GRID2: variants seen among roughly 807,000 people sequenced by gnomAD.
GRID2 encodes glutamate ionotropic receptor delta type subunit 2.
A neutral mutation model predicts 114.8 loss-of-function variants in GRID2; 33 were observed. That is an observed-to-expected ratio of 0.29 (90% CI 0.22 to 0.38). The LOEUF is 0.38. Ranked by LOEUF, GRID2 falls within the 10% of genes least tolerant of loss-of-function variation. The pLI, the probability that GRID2 is intolerant of heterozygous loss-of-function variation, is 1.00. For synonymous variants in GRID2, 505 were observed against 449.9 expected (o/e 1.12, Z -1.55); for missense variants, 1,184 against 1,257.7 (o/e 0.94, Z 0.89).
intron 2 of GRID2, among the ~76,000 whole-genome samples, chr4:93,070,335 T>A (rs1277900657): frequency 6.6e-6 from 1 of 151,978 alleles, no homozygotes; most frequent in Non-Finnish European, 1.5e-5. Flanking sequence ...CATAGACAGT[T>A]TTTTTTCCCC....
rs953307864 is a variant in GRID2, at chr4:92,771,509, G to A, written c.244+181223G>A. ...TCTGTATTTCATCCCTCTTTTGGTTGGAGTGTGAATGTGTAAGTTTTAAAA... is the reference window on the plus strand; with the variant it reads ...TCTGTATTTCATCCCTCTTTTGGTTAGAGTGTGAATGTGTAAGTTTTAAAA... On this transcript the variant is annotated intron_variant, in intron 2 of 15. Coordinates refer to ENST00000282020, the MANE Select transcript of GRID2 (RefSeq NM_001510.4). Among the ~76,000 whole-genome samples, 55 of 152,100 alleles carry A rather than the reference G, an allele frequency of 3.6e-4. 1 individual carries two copies. Among genetic ancestry groups the A allele is most frequent in the African/African-American group, 1.3e-3 (54 of 41,406 alleles).
intron 14 of GRID2, among the ~76,000 whole-genome samples, chr4:93,658,277 A>T (rs1399761752): frequency 6.6e-6 from 1 of 152,230 alleles, no homozygotes; most frequent in Non-Finnish European, 1.5e-5. Flanking sequence ...AGGTTTCAAA[A>T]ATAGACAAAG....
chr4:93,797,607 T>C (rs1186560354), intron 1 of GRID2, among the ~76,000 whole-genome samples: 2 of 152,118 alleles, frequency 1.3e-5, no homozygotes, highest in South Asian at 2.1e-4. Flanking sequence ...CAATTTGTGT[T>C]CTACTTCAGC....
intron 2 of GRID2, among the ~76,000 whole-genome samples, chr4:92,722,888 T>TGAAAATATAAG (rs1553920650): frequency 0.01 from 1,548 of 151,536 alleles, 24 homozygotes; most frequent in African/African-American, 0.036. Context: ...TTTATAATAA[T>TGAAAATATAAG]AATAGAAAAG....
chr4:92,833,576 C>A (rs1742262274), intron 2 of GRID2: 1 of 152,108 alleles, frequency 6.6e-6, no homozygotes, highest in Non-Finnish European at 1.5e-5. Flanking sequence ...CTAACATGAG[C>A]AAGTTTTTAC....
At chr4:92,625,380 G>A (rs1402891849) in intron 2 of GRID2, among the ~76,000 whole-genome samples, 2 of 151,742 alleles carry the variant, frequency 1.3e-5, no homozygotes, top group Non-Finnish European at 2.9e-5. Flanking sequence ...GGAAAATGAG[G>A]TCTGAGAAAA....
At chr4:93,601,471 C>T (rs958832066) in intron 13 of GRID2, among the ~76,000 whole-genome samples, 2 of 152,174 alleles carry the variant, frequency 1.3e-5, no homozygotes, top group African/African-American at 4.8e-5. Flanking sequence ...GGAACTGCTG[C>T]ATTCAATGAG....
At chr4:92,575,820 C>A (rs1436436664) in intron 1 of GRID2, among the ~76,000 whole-genome samples, 1 of 152,184 alleles carries the variant, frequency 6.6e-6, no homozygotes, top group African/African-American at 2.4e-5. Context: ...AAGGTGGTGG[C>A]CACCCCCGTT....
At chr4:93,213,335 TACAA>T (rs1445043004) in intron 5 of GRID2, among the ~76,000 whole-genome samples, 2 of 152,060 alleles carry the variant, frequency 1.3e-5, no homozygotes, top group Non-Finnish European at 2.9e-5. Flanking sequence ...ATATGAAAAA[TACAA>T]ACAAATAAGA....
chr4:92,425,554 T>C (rs1276550956), intron 1 of GRID2, among the ~76,000 whole-genome samples: 1 of 152,076 alleles, frequency 6.6e-6, no homozygotes, highest in Non-Finnish European at 1.5e-5. Context: ...TTAGGACACA[T>C]AGTAGCAAAA....
At chr4:92,716,883 C>T (rs537940177) in intron 2 of GRID2, among the ~76,000 whole-genome samples, 14 of 152,168 alleles carry the variant, frequency 9.2e-5, no homozygotes, top group South Asian at 4.1e-4. Context: ...TTTTGATTTT[C>T]GATTCTGACC....
chr4:92,964,992 T>A (rs1753046654), intron 2 of GRID2, among the ~76,000 whole-genome samples: 1 of 152,046 alleles, frequency 6.6e-6, no homozygotes, highest in Admixed American at 6.6e-5. Context: ...AGGCCTAGCT[T>A]TCAGCTTATC....
chr4:92,403,075 T>C (rs954617137), intron 1 of GRID2, among the ~76,000 whole-genome samples: 16 of 152,194 alleles, frequency 1.1e-4, no homozygotes, highest in African/African-American at 3.9e-4. Context: ...CCTCTACTGG[T>C]TTCCAACTTT....
At position 92,809,264 on chromosome 4, in the gene GRID2, A is replaced by T. The variant is rs543861507; in HGVS notation, c.244+218978A>T. ...ACTTTGCAAATAAAAATAAATTTTA[A>T]TTGAGCCTTAGGAGTATGAAAATAA... On this transcript the variant is annotated intron_variant, in intron 2 of 15. Transcript: ENST00000282020. 2.6e-5 allele frequency among the ~76,000 whole-genome samples: 4 copies of T among 152,124 alleles called. No individual in the cohort carries two copies. The South Asian group carries it at 8.3e-4, about 31-fold the overall frequency.
intron 1 of GRID2, among the ~76,000 whole-genome samples, chr4:92,357,813 A>C (rs1233549772): frequency 6.6e-6 from 1 of 151,882 alleles, no homozygotes; most frequent in Admixed American, 6.6e-5. Flanking sequence ...TATTTATTTG[A>C]CAAATCTATA....
At chr4:93,505,717 A>G (rs1728564509) in intron 12 of GRID2, among the ~76,000 whole-genome samples, 1 of 150,260 alleles carries the variant, frequency 6.7e-6, no homozygotes, top group Non-Finnish European at 1.5e-5. Flanking sequence ...ATATTAATAT[A>G]TACCAAATAT....
intron 2 of GRID2, among the ~76,000 whole-genome samples, chr4:92,600,944 T>C (rs1729190909): frequency 2.0e-5 from 3 of 152,184 alleles, no homozygotes; most frequent in African/African-American, 7.2e-5. Flanking sequence ...GGCACTCCCA[T>C]ACATCTGGAC....
intron 2 of GRID2, among the ~76,000 whole-genome samples, chr4:93,023,809 T>C (rs1560804966): frequency 6.6e-6 from 1 of 151,848 alleles, no homozygotes; most frequent in Non-Finnish European, 1.5e-5. Flanking sequence ...TTTTTAAGAC[T>C]AAATAATGTT....
chr4:93,230,153 TG>T (rs1168440629), intron 7 of GRID2, among the ~76,000 whole-genome samples: 1 of 151,872 alleles, frequency 6.6e-6, no homozygotes, highest in African/African-American at 2.4e-5. Context: ...TATGCGTGTG[TG>T]TGTGTGTGTG....
Sources: allele counts gnomAD v4.1 joint callset (sites outside exome capture counted in the v4.1 genomes callset), GRCh38; gene constraint gnomAD v4.1.1; transcripts MANE v1.5; gene names NCBI Gene and HGNC (gene_info 2026-07-23, HGNC 2026-07-21).